Variants in CABLES1 observed in about 807,000 individuals in gnomAD.
CABLES1 encodes Cdk5 and Abl enzyme substrate 1.
A neutral mutation model predicts 57.8 loss-of-function variants in CABLES1; 36 were observed. The observed-to-expected ratio is 0.62, with a 90% CI of 0.48 to 0.82. The LOEUF is 0.82. Among genes scored for constraint, CABLES1 ranks in the 40% least tolerant of loss-of-function variants. CABLES1 has a pLI of 0.00. For synonymous variants in CABLES1, 374 were observed against 363.0 expected, an observed-to-expected ratio of 1.03 and a Z score of -0.35; for missense variants, 767 against 836.6, an observed-to-expected ratio of 0.92 and a Z score of 1.03.
At chr18:23,169,591 A>T in intron 1 of CABLES1, among the ~76,000 whole-genome samples, 1 of 152,368 alleles carries the variant, frequency 6.6e-6, no homozygotes, top group Admixed American at 6.5e-5. Context: ...CCCCAGCTCA[A>T]CCAAGGCATT....
intron 7 of CABLES1, among the ~76,000 whole-genome samples, chr18:23,242,150 C>T (rs927417092): frequency 2.0e-5 from 3 of 152,048 alleles, no homozygotes; most frequent in Admixed American, 1.3e-4. Flanking sequence ...TAGTGGCAGG[C>T]GCCTGTAATC....
At position 23,135,666 on chromosome 18, in the gene CABLES1, A is replaced by G; in HGVS notation, c.-97A>G. On this transcript the variant is annotated 5_prime_UTR_variant, in exon 1 of 10. Coordinates refer to ENST00000256925, the MANE Select transcript of CABLES1 (RefSeq NM_001100619.3). Reference sequence around the variant, plus strand: ...GCACGCCGCCCGATCCCCGCGCCCTACCCAGCCCGGGTCGCCGCCGCTCGC... The same window carrying G: ...GCACGCCGCCCGATCCCCGCGCCCTGCCCAGCCCGGGTCGCCGCCGCTCGC... The G allele has an allele frequency of 2.1e-6, 2 of 966,682 alleles. No homozygotes were observed. Among genetic ancestry groups the G allele is most frequent in the Non-Finnish European group, 2.5e-6 (2 of 815,402 alleles). 59.9% of individuals were successfully genotyped at this position (966,682 alleles called of 1,614,324 possible).
chr18:23,155,205 A>G (rs2046957833), intron 1 of CABLES1, among the ~76,000 whole-genome samples: 1 of 152,232 alleles, frequency 6.6e-6, no homozygotes, highest in African/African-American at 2.4e-5. Flanking sequence ...AGGCTGAAAT[A>G]TAAGGAAATG....
intron 1 of CABLES1, among the ~76,000 whole-genome samples, chr18:23,163,545 G>C (rs75039407): frequency 6.6e-6 from 1 of 152,060 alleles, no homozygotes; most frequent in African/African-American, 2.4e-5. Context: ...AGGGAAGCCT[G>C]GGGGGCTGAG....
At chr18:23,147,959 C>T (rs1046423512) in intron 1 of CABLES1, among the ~76,000 whole-genome samples, 4 of 142,390 alleles carry the variant, frequency 2.8e-5, no homozygotes, top group Admixed American at 1.4e-4. Flanking sequence ...CCATGGTCTG[C>T]GTGCTGCCTG....
At chr18:23,238,224 C>T (rs558912047) in intron 7 of CABLES1, among the ~76,000 whole-genome samples, 1 of 152,370 alleles carries the variant, frequency 6.6e-6, no homozygotes, top group South Asian at 2.1e-4. Context: ...GGAAACCAAT[C>T]CCCCGTACTC....
intron 1 of CABLES1, among the ~76,000 whole-genome samples, chr18:23,144,837 G>A (rs186095795): frequency 9.9e-5 from 15 of 152,234 alleles, no homozygotes; most frequent in Admixed American, 3.3e-4. Context: ...ACAGGAATCG[G>A]CCAATGCTGT....
At chr18:23,191,906 TAAAA>T (rs147984743) in intron 2 of CABLES1, among the ~76,000 whole-genome samples, 78 of 82,486 alleles carry the variant, frequency 9.5e-4, no homozygotes, top group African/African-American at 2.5e-3. Context: ...GTTGAATGCT[TAAAA>T]AAAAAAAAAA....
chr18:23,235,388 A>G (rs1183823462), intron 5 of CABLES1, among the ~76,000 whole-genome samples: 4 of 152,192 alleles, frequency 2.6e-5, no homozygotes, highest in Non-Finnish European at 5.9e-5. Flanking sequence ...AAATCAATGC[A>G]CTTGCTCTGT....
At chr18:23,215,093 G>C (rs911095710) in intron 4 of CABLES1, among the ~76,000 whole-genome samples, 3 of 152,188 alleles carry the variant, frequency 2.0e-5, no homozygotes, top group Non-Finnish European at 2.9e-5. Context: ...GATAATCATG[G>C]CACTGTTTGT....
At position 23,135,775 on chromosome 18, in the gene CABLES1, G is replaced by C; in HGVS notation, c.13G>C (p.Ala5Pro). 1 of 985,708 alleles carries C rather than the reference G, an allele frequency of 1.0e-6. No individual in the cohort carries two copies. Among genetic ancestry groups the C allele is most frequent in the Non-Finnish European group, 1.2e-6 (1 of 831,490 alleles). The allele number at this position is 985,708 out of a possible 1,614,324, so 61.1% of individuals were successfully genotyped here. A position where few individuals can be genotyped will look rare whatever the true frequency, so the allele number is the denominator to read the frequency against. MAAA[A>P]AAATTAACSS... ...GCAGACGGACACAATGGCGGCGGCG[G>C]CGGCGGCCGCCACCACGGCCGCCTG... The change falls in exon 1 of 10, where the codon GCG becomes CCG. Residue 5 changes from alanine (A) to proline (P), a missense_variant. Ala to Pro is a conservative substitution (Grantham distance 27). Transcript: ENST00000256925.
chr18:23,219,380 G>A (rs1458120251), intron 4 of CABLES1: 11 of 452,394 alleles, frequency 2.4e-5, no homozygotes, highest in East Asian at 1.4e-4. Flanking sequence ...GGCAGGATCC[G>A]ATGTAGTGCC....
At chr18:23,184,218 G>C (rs1345502783) in intron 1 of CABLES1, among the ~76,000 whole-genome samples, 1 of 152,176 alleles carries the variant, frequency 6.6e-6, no homozygotes, top group Admixed American at 6.5e-5. Context: ...TAAAGGAACA[G>C]GTGGGCATTT....
Position 23,258,653 on chromosome 18 carries a change from A to ATACC in CABLES1, c.*1288_*1291dup, listed in dbSNP as rs1288866196. The ATACC allele has an allele frequency of 3.3e-5, 5 of 152,328 alleles. No individual in the cohort carries two copies. The highest frequency in any genetic ancestry group is 9.6e-5 in the African/African-American group (4 of 41,566). 9.4% of individuals were successfully genotyped at this position (152,328 alleles called of 1,614,324 possible). ...GAATTAAACTCTTGTTGCTTTTTGTATACCTGTATGCGTTTGTGTAGACGT... is the reference window on the plus strand; with the variant it reads ...GAATTAAACTCTTGTTGCTTTTTGTATACCTACCTGTATGCGTTTGTGTAGACGT... On this transcript the variant is annotated 3_prime_UTR_variant, in exon 10 of 10. Coordinates refer to ENST00000256925, the MANE Select transcript of CABLES1 (RefSeq NM_001100619.3).
chr18:23,173,151 G>A (rs1307801915), intron 1 of CABLES1, among the ~76,000 whole-genome samples: 3 of 152,206 alleles, frequency 2.0e-5, no homozygotes, highest in Non-Finnish European at 2.9e-5. Context: ...TGAGTGACAC[G>A]CGGCTCTGAT....
In CABLES1 at chr18:23,136,562, G is replaced by A; in HGVS notation, c.800G>A (p.Gly267Asp). Residue 267 changes from glycine to aspartate, a missense_variant, in exon 1 of 10, where the codon GGC (glycine) becomes GAC (aspartate). Coordinates refer to ENST00000256925, the MANE Select transcript of CABLES1 (RefSeq NM_001100619.3). ...AACTACTGCTCCCTGGAGCAGCCAGGCCAGGGCGGCAGCACCAGCGCCTTC... is the reference window on the plus strand; with the variant it reads ...AACTACTGCTCCCTGGAGCAGCCAGACCAGGGCGGCAGCACCAGCGCCTTC... ...SQNYCSLEQP[G>D]QGGSTSAFEQ... The A allele has an allele frequency of 6.5e-7, 1 of 1,532,096 alleles. No individual in the cohort carries two copies. The highest frequency in any genetic ancestry group is 8.7e-7 in the Non-Finnish European group (1 of 1,147,350). The allele number at this position is 1,532,096 out of a possible 1,614,324, so 94.9% of individuals were successfully genotyped here.
chr18:23,144,560 C>A (rs190697623), intron 1 of CABLES1, among the ~76,000 whole-genome samples: 1 of 152,152 alleles, frequency 6.6e-6, no homozygotes, highest in Non-Finnish European at 1.5e-5. Flanking sequence ...ACATCCTTCA[C>A]GTATGTTGTT....
chr18:23,170,127 G>A (rs747975352), intron 1 of CABLES1, among the ~76,000 whole-genome samples: 1 of 152,208 alleles, frequency 6.6e-6, no homozygotes, highest in East Asian at 1.9e-4. Flanking sequence ...TCCATCCCCC[G>A]GCCATGTGGA....
intron 7 of CABLES1, among the ~76,000 whole-genome samples, chr18:23,252,340 C>T (rs1053382631): frequency 3.3e-5 from 5 of 152,120 alleles, no homozygotes; most frequent in African/African-American, 9.7e-5. Flanking sequence ...CTGAATGGTA[C>T]GCCTAGAAAT....
Sources: allele counts gnomAD v4.1 joint callset (sites outside exome capture counted in the v4.1 genomes callset), GRCh38; gene constraint gnomAD v4.1.1; transcripts MANE v1.5; gene names NCBI Gene and HGNC (gene_info 2026-07-23, HGNC 2026-07-21).